The following KLHL1 variants were observed in gnomAD, a reference collection of about 807,000 sequenced individuals.
The protein encoded by KLHL1 is kelch-like protein 1.
Under a neutral mutation model 77.7 loss-of-function variants are expected in KLHL1, and 47 were observed. The ratio of observed to expected loss-of-function variants is 0.60; its 90% CI spans 0.48 to 0.77. The LOEUF (loss-of-function observed/expected upper bound fraction) is 0.77, where lower values mean the gene tolerates loss of function less well. KLHL1 is among the 30% of genes least tolerant of loss of function. The pLI is 0.00. For synonymous variants in KLHL1, 360 were observed against 325.2 expected, an observed-to-expected ratio of 1.11 and a Z score of -1.15; for missense variants, 925 against 910.8, an observed-to-expected ratio of 1.02 and a Z score of -0.20.
In KLHL1 at chr13:69,943,619, C is replaced by A. The variant is rs563323063; in HGVS notation, c.818-3383G>T. On this transcript the variant is annotated intron_variant, in intron 3 of 10. Coordinates refer to ENST00000377844, the MANE Select transcript of KLHL1 (RefSeq NM_020866.3). Reference sequence around the variant, plus strand: ...AAAAGTATTCTATAGGTTACAGAAACCTATATTTGTATATCAATTTTTGTT... The same window carrying A: ...AAAAGTATTCTATAGGTTACAGAAAACTATATTTGTATATCAATTTTTGTT... Among the ~76,000 whole-genome samples the A allele has an allele frequency of 9.9e-5, 15 of 152,012 alleles. No homozygotes were observed. In the South Asian group the frequency reaches 2.9e-3, roughly 30 times the overall value.
At chr13:69,854,933 T>C (rs78195721) in intron 5 of KLHL1, among the ~76,000 whole-genome samples, 23,849 of 151,890 alleles carry the variant, frequency 0.16, 2,041 homozygotes, top group East Asian at 0.25. Flanking sequence ...ACTGGAAATA[T>C]TGGAAATATA....
At chr13:70,075,099 A>G (rs1434898507) in intron 1 of KLHL1, among the ~76,000 whole-genome samples, 1 of 152,034 alleles carries the variant, frequency 6.6e-6, no homozygotes, top group Non-Finnish European at 1.5e-5. Flanking sequence ...GTTTATGTAC[A>G]TGGGGGCCAT....
intron 1 of KLHL1, among the ~76,000 whole-genome samples, chr13:70,033,320 C>T (rs1481236449): frequency 1.3e-5 from 2 of 152,046 alleles, no homozygotes; most frequent in East Asian, 1.9e-4. Flanking sequence ...GACAGAGTCT[C>T]TCTCTGTCGC....
intron 3 of KLHL1, among the ~76,000 whole-genome samples, chr13:69,951,473 C>G (rs867200659): frequency 6.6e-5 from 10 of 151,574 alleles, no homozygotes; most frequent in African/African-American, 2.2e-4. Flanking sequence ...CAGAGCTCTT[C>G]CGTCTTGAGA....
At chr13:69,949,654 C>CATAAATA (rs1220367741) in intron 3 of KLHL1, among the ~76,000 whole-genome samples, 16 of 151,672 alleles carry the variant, frequency 1.1e-4, no homozygotes, top group Non-Finnish European at 5.9e-5. Flanking sequence ...GAATAACTGG[C>CATAAATA]ATAAATACTT....
intron 1 of KLHL1, among the ~76,000 whole-genome samples, chr13:70,047,817 G>A (rs1003942120): frequency 6.6e-6 from 1 of 152,040 alleles, no homozygotes; most frequent in African/African-American, 2.4e-5. Context: ...AAACTTTTAA[G>A]CAGAAGCATG....
intron 1 of KLHL1, among the ~76,000 whole-genome samples, chr13:70,080,593 CTTTGT>C (rs1271127001): frequency 6.6e-6 from 1 of 151,808 alleles, no homozygotes; most frequent in East Asian, 1.9e-4. Context: ...ATTTATTTTA[CTTTGT>C]TTTATTTTAT....
intron 7 of KLHL1, among the ~76,000 whole-genome samples, chr13:69,791,744 A>T (rs1186366832): frequency 6.6e-6 from 1 of 152,176 alleles, no homozygotes; most frequent in Admixed American, 6.6e-5. Context: ...TAGAACTGCT[A>T]TCTCATGACA....
chr13:69,823,537 CACAT>C (rs1177010626), intron 6 of KLHL1, among the ~76,000 whole-genome samples: 1 of 151,866 alleles, frequency 6.6e-6, no homozygotes, highest in Non-Finnish European at 1.5e-5. Context: ...TATATACACA[CACAT>C]ATAGCACCAT....
chr13:69,840,989 G>C (rs950982218), intron 5 of KLHL1, among the ~76,000 whole-genome samples: 3 of 151,662 alleles, frequency 2.0e-5, no homozygotes, highest in African/African-American at 7.3e-5. Context: ...TATATGTAAA[G>C]CTGGCTCTCA....
In KLHL1 at chr13:70,075,569, G is replaced by GTGTATA. The variant is rs761519216; in HGVS notation, c.497+31633_497+31634insTATACA. Among the ~76,000 whole-genome samples the GTGTATA allele has an allele frequency of 4.9e-3, 522 of 106,628 alleles. 3 individuals are homozygous for GTGTATA. Among genetic ancestry groups the GTGTATA allele is most frequent in the African/African-American group, 9.8e-3 (269 of 27,314 alleles). 70.0% of individuals were successfully genotyped at this position (106,628 alleles called of 152,430 possible). ...TATATATACCTGTGTGTGTGTATGTGTATATATATATATATATATACACAC... is the reference window on the plus strand; with the variant it reads ...TATATATACCTGTGTGTGTGTATGTGTGTATATATATATATATATATATATACACAC... On this transcript the variant is annotated intron_variant, in intron 1 of 10. Transcript: ENST00000377844.
intron 1 of KLHL1, among the ~76,000 whole-genome samples, chr13:70,036,536 T>C (rs1261646751): frequency 6.6e-6 from 1 of 151,928 alleles, no homozygotes; most frequent in African/African-American, 2.4e-5. Context: ...TGGGTGTATA[T>C]ATGAAATGTT....
At chr13:70,028,990 A>C (rs1886024989) in intron 1 of KLHL1, among the ~76,000 whole-genome samples, 2 of 151,874 alleles carry the variant, frequency 1.3e-5, no homozygotes, top group African/African-American at 4.8e-5. Flanking sequence ...AAAAAAAAAA[A>C]AAAATCACTA....
chr13:70,002,930 A>G (rs1182775425), intron 1 of KLHL1, among the ~76,000 whole-genome samples: 1 of 151,366 alleles, frequency 6.6e-6, no homozygotes, highest in East Asian at 1.9e-4. Context: ...CATTATTTTT[A>G]TTAGGGAAAA....
At chr13:69,876,744 A>AT (rs1365451750) in intron 5 of KLHL1, among the ~76,000 whole-genome samples, 1 of 152,198 alleles carries the variant, frequency 6.6e-6, no homozygotes, top group Non-Finnish European at 1.5e-5. Flanking sequence ...CTTAAAAGAG[A>AT]TAAAAAATAC....
intron 7 of KLHL1, among the ~76,000 whole-genome samples, chr13:69,749,542 G>A (rs1874379212): frequency 6.6e-6 from 1 of 151,930 alleles, no homozygotes; most frequent in Non-Finnish European, 1.5e-5. Context: ...TTCTATAGAA[G>A]TTTTTAAGAT....
intron 4 of KLHL1, among the ~76,000 whole-genome samples, chr13:69,897,256 A>G (rs1336094126): frequency 2.0e-5 from 3 of 152,158 alleles, no homozygotes; most frequent in African/African-American, 7.2e-5. Context: ...TAGAAGTCTG[A>G]CAAAAGATGC....
At chr13:69,737,652 C>A (rs541312770) in intron 8 of KLHL1, among the ~76,000 whole-genome samples, 3 of 152,296 alleles carry the variant, frequency 2.0e-5, no homozygotes, top group Non-Finnish European at 4.4e-5. Context: ...TTAAGCAGGA[C>A]CCTGATCCAC....
chr13:69,885,183 A>G (rs961537908), intron 4 of KLHL1, among the ~76,000 whole-genome samples: 43 of 148,434 alleles, frequency 2.9e-4, no homozygotes, highest in Middle Eastern at 3.2e-3. Context: ...CTCGTGATCC[A>G]CCCGCCTCGG....
Sources: gnomAD v4.1 joint callset for allele counts (sites outside exome capture counted in the v4.1 genomes callset) on GRCh38, gnomAD v4.1.1 for gene constraint, MANE v1.5 for transcripts, NCBI Gene and HGNC (gene_info 2026-07-23, HGNC 2026-07-21) for gene names.